ROBO2: variants seen among roughly 807,000 people sequenced by gnomAD.
The protein encoded by ROBO2 is roundabout guidance receptor 2, also known as roundabout homolog 2.
ROBO2 carries 53 observed loss-of-function variants against 160.8 expected under a neutral mutation model. The ratio of observed to expected loss-of-function variants is 0.33; its 90% CI spans 0.26 to 0.41. The LOEUF (loss-of-function observed/expected upper bound fraction) is 0.41, where lower values mean the gene tolerates loss of function less well. Ranked by LOEUF, ROBO2 falls within the 10% of genes least tolerant of loss-of-function variation. The pLI, the probability that ROBO2 is intolerant of heterozygous loss-of-function variation, is 1.00. For missense variants in ROBO2, 1,577 were observed against 1,722.4 expected (o/e 0.92, Z 1.49); for synonymous variants, 664 against 611.7 (o/e 1.09, Z -1.26).
At chr3:76,239,060 GATATTTACA>G (rs1287764167) in intron 2 of ROBO2, among the ~76,000 whole-genome samples, 1 of 152,118 alleles carries the variant, frequency 6.6e-6, no homozygotes, top group Non-Finnish European at 1.5e-5. Flanking sequence ...ACTCCTTCCT[GATATTTACA>G]TTAATCTATG....
intron 7 of ROBO2, among the ~76,000 whole-genome samples, chr3:77,547,182 T>G (rs2092729750): frequency 6.6e-6 from 1 of 152,096 alleles, no homozygotes; most frequent in African/African-American, 2.4e-5. Context: ...TGTCTAAAGT[T>G]GGACAACTGC....
At chr3:76,264,655 T>G (rs1211287743) in intron 2 of ROBO2, among the ~76,000 whole-genome samples, 1 of 152,124 alleles carries the variant, frequency 6.6e-6, no homozygotes, top group African/African-American at 2.4e-5. Context: ...TTGATTCAAT[T>G]TTTTCACTTT....
At chr3:76,097,002 C>T (rs2069479202) in intron 2 of ROBO2, among the ~76,000 whole-genome samples, 1 of 152,112 alleles carries the variant, frequency 6.6e-6, no homozygotes, top group Admixed American at 6.5e-5. Flanking sequence ...TTCTGTTCTC[C>T]TGGAAACCTG....
Position 77,598,815 on chromosome 3 carries a change from G to A in ROBO2, c.2854+2065G>A, listed in dbSNP as rs13084493. Among the ~76,000 whole-genome samples, 1,064 of 152,184 alleles carry A rather than the reference G, an allele frequency of 7.0e-3. 5 individuals carry two copies. Among genetic ancestry groups the A allele is most frequent in the Non-Finnish European group, 0.013 (855 of 68,000 alleles). On this transcript the variant is annotated intron_variant, in intron 19 of 25. Transcript: ENST00000461745. ...AGAATGTCCCTCCCCCTGCTATGTCGACTGATTTTGTCAAAAGGAATTCTG... is the reference window on the plus strand; with the variant it reads ...AGAATGTCCCTCCCCCTGCTATGTCAACTGATTTTGTCAAAAGGAATTCTG...
At chr3:77,202,499 G>T (rs1418216160) in intron 2 of ROBO2, among the ~76,000 whole-genome samples, 1 of 152,126 alleles carries the variant, frequency 6.6e-6, no homozygotes, top group Non-Finnish European at 1.5e-5. Context: ...GAGCTGGGAG[G>T]AGGTTGTTCT....
At chr3:77,069,929 T>G (rs182606748) in intron 1 of ROBO2, among the ~76,000 whole-genome samples, 1 of 152,200 alleles carries the variant, frequency 6.6e-6, no homozygotes, top group Admixed American at 6.5e-5. Flanking sequence ...AATGTGATCT[T>G]ATTTGGAAAT....
intron 2 of ROBO2, among the ~76,000 whole-genome samples, chr3:76,384,471 G>A (rs1293979191): frequency 6.6e-6 from 1 of 152,180 alleles, no homozygotes; most frequent in Non-Finnish European, 1.5e-5. Flanking sequence ...CTGTGATTGA[G>A]AGAAGGGAGT....
chr3:75,923,487 A>G (rs1385479236), intron 1 of ROBO2, among the ~76,000 whole-genome samples: 1 of 152,246 alleles, frequency 6.6e-6, no homozygotes, highest in Non-Finnish European at 1.5e-5. Flanking sequence ...TCCACATTGC[A>G]GACAGAGCCT....
intron 2 of ROBO2, among the ~76,000 whole-genome samples, chr3:76,591,158 G>A (rs2086392600): frequency 6.6e-6 from 1 of 152,028 alleles, no homozygotes; most frequent in Non-Finnish European, 1.5e-5. Flanking sequence ...CACATATTTT[G>A]TATGGTATAT....
At position 76,417,550 on chromosome 3, in the gene ROBO2, A is replaced by G. The variant is rs577992908; in HGVS notation, c.109+479948A>G. Among the ~76,000 whole-genome samples the G allele has an allele frequency of 7.2e-4, 110 of 152,316 alleles. 1 individual carries two copies. The highest frequency in any genetic ancestry group is 6.3e-3 in the Admixed American group (97 of 15,298). On this transcript the variant is annotated intron_variant, in intron 2 of 26. Coordinates refer to the ROBO2 transcript ENST00000487694. ...TTAGCTAGTTAAAATATTGAGGAAA[A>G]AATAAAGTTAGCCTAAATGGCATGA...
intron 2 of ROBO2, among the ~76,000 whole-genome samples, chr3:77,285,125 C>T (rs1183374465): frequency 6.6e-6 from 1 of 152,056 alleles, no homozygotes. Context: ...AATCAGTTAC[C>T]TTTCAGGGTG....
chr3:77,369,133 G>T, intron 2 of ROBO2, among the ~76,000 whole-genome samples: 1 of 152,122 alleles, frequency 6.6e-6, no homozygotes, highest in Middle Eastern at 3.2e-3. Flanking sequence ...CTTGATCGTG[G>T]CCAAAGCTGT....
chr3:76,090,568 G>T (rs1443448058), intron 2 of ROBO2, among the ~76,000 whole-genome samples: 1 of 152,154 alleles, frequency 6.6e-6, no homozygotes, highest in Non-Finnish European at 1.5e-5. Flanking sequence ...ATCTTAGCAA[G>T]TTATTCTATA....
intron 1 of ROBO2, among the ~76,000 whole-genome samples, chr3:77,072,081 T>C (rs2067481692): frequency 6.6e-6 from 1 of 152,118 alleles, no homozygotes; most frequent in Non-Finnish European, 1.5e-5. Flanking sequence ...CTCCGTCTCA[T>C]GCCAGATCAG....
At chr3:76,302,146 GCTATATGATAAGC>G (rs1231321838) in intron 2 of ROBO2, among the ~76,000 whole-genome samples, 1 of 151,890 alleles carries the variant, frequency 6.6e-6, no homozygotes, top group Non-Finnish European at 1.5e-5. Flanking sequence ...CTGATATATG[GCTATATGATAAGC>G]CTACAGCTAT....
chr3:76,421,441 T>C (rs2075991856), intron 2 of ROBO2, among the ~76,000 whole-genome samples: 2 of 151,642 alleles, frequency 1.3e-5, no homozygotes. Context: ...TAAGAGTGTG[T>C]GTAGGCTGGG....
chr3:76,917,370 C>T (rs2076387079), intron 2 of ROBO2, among the ~76,000 whole-genome samples: 1 of 152,152 alleles, frequency 6.6e-6, no homozygotes, highest in African/African-American at 2.4e-5. Flanking sequence ...CTGCAGGCAA[C>T]ACTTAACATG....
chr3:76,942,874 T>C (rs1400443468), intron 2 of ROBO2, among the ~76,000 whole-genome samples: 1 of 152,122 alleles, frequency 6.6e-6, no homozygotes, highest in East Asian at 1.9e-4. Context: ...AAAAAAACAA[T>C]AATATTATTG....
intron 2 of ROBO2, among the ~76,000 whole-genome samples, chr3:76,032,459 T>G (rs977054914): frequency 6.6e-6 from 1 of 152,202 alleles, no homozygotes; most frequent in Admixed American, 6.5e-5. Context: ...AGGGTGTCAA[T>G]TTTAGATCTG....
Sources: gnomAD v4.1 joint callset for allele counts (sites outside exome capture counted in the v4.1 genomes callset) on GRCh38, gnomAD v4.1.1 for gene constraint, MANE v1.5 for transcripts, NCBI Gene and HGNC (gene_info 2026-07-23, HGNC 2026-07-21) for gene names.